STK3: variants seen among roughly 807,000 people sequenced by gnomAD.
STK3 encodes the protein serine/threonine kinase 3.
In STK3, 41 loss-of-function variants were observed where a neutral mutation model predicts 58.0. The ratio of observed to expected loss-of-function variants is 0.71; its 90% CI spans 0.55 to 0.92. The LOEUF is 0.92. STK3 is among the 40% of genes least tolerant of loss of function. The pLI is 0.00. For missense variants in STK3, 479 were observed against 602.7 expected (o/e 0.79, Z 2.15); for synonymous variants, 170 against 191.0 (o/e 0.89, Z 0.91).
chr8:98,695,523 A>G (rs1388419751), intron 6 of STK3, among the ~76,000 whole-genome samples: 3 of 152,174 alleles, frequency 2.0e-5, no homozygotes, highest in Non-Finnish European at 4.4e-5. Context: ...TAATTTTTGT[A>G]TAAGTTGTAA....
At chr8:98,352,386 G>A in the STK3 span, among the ~76,000 whole-genome samples, 1 of 152,166 alleles carries the variant, frequency 6.6e-6, no homozygotes, top group African/African-American at 2.4e-5. Flanking sequence ...AACTGTACCT[G>A]TGAGCACACA....
chr8:98,568,403 A>C (rs1472514217), intron 8 of STK3, among the ~76,000 whole-genome samples: 1 of 152,234 alleles, frequency 6.6e-6, no homozygotes, highest in African/African-American at 2.4e-5. Context: ...CAGCAGACCA[A>C]AAATAAGACT....
intron 6 of STK3, among the ~76,000 whole-genome samples, chr8:98,660,818 T>C: frequency 6.6e-6 from 1 of 152,052 alleles, no homozygotes; most frequent in East Asian, 1.9e-4. Flanking sequence ...CCCTCTTCTC[T>C]TCACTTTCCC....
intron 4 of STK3, among the ~76,000 whole-genome samples, chr8:98,726,231 A>T (rs1005986736): frequency 6.6e-6 from 1 of 152,232 alleles, no homozygotes; most frequent in South Asian, 2.1e-4. Flanking sequence ...AAAACTGGGC[A>T]ACTTACCAAT....
the STK3 span, among the ~76,000 whole-genome samples, chr8:98,348,898 T>G: frequency 6.6e-6 from 1 of 152,202 alleles, no homozygotes; most frequent in Non-Finnish European, 1.5e-5. Flanking sequence ...GCAATAATGC[T>G]CCCTGGTATT....
chr8:98,778,997 T>A (rs1295290708), intron 1 of STK3: 12 of 152,084 alleles, frequency 7.9e-5, no homozygotes, highest in South Asian at 6.2e-4. Flanking sequence ...AACCTGCACA[T>A]TGTGCACATG....
At chr8:98,579,550 A>G (rs2131726527) in intron 8 of STK3, 114 bp downstream of exon 8, 1 of 1,305,518 alleles carries the variant, frequency 7.7e-7, no homozygotes, top group East Asian at 2.5e-5. Flanking sequence ...GATTCAATGA[A>G]AAAACATATC....
rs1021171942 is a variant in STK3, at chr8:98,491,860, G to T, written c.1317+34882C>A. Among the ~76,000 whole-genome samples the T allele has an allele frequency of 7.9e-5, 12 of 152,226 alleles. No individual in the cohort carries two copies. In the Middle Eastern group the frequency reaches 0.01, roughly 129 times the overall value. ...AAAGAAAACCTTTTATGTTACTTAT[G>T]CTTAGCTATTACTCATTTTTTAGAT... On this transcript the variant is annotated intron_variant, in intron 10 of 10. Coordinates refer to ENST00000419617, the MANE Select transcript of STK3 (RefSeq NM_006281.4).
intron 6 of STK3, chr8:98,598,258 TTAACATA>T (rs1816000880): frequency 1.0e-6 from 1 of 985,270 alleles, no homozygotes; most frequent in Non-Finnish European, 1.2e-6. Context: ...TGAGATAATC[TTAACATA>T]TAAGGCTCAC....
At chr8:98,415,906 C>T (rs1017361185) in intron 3 of STK3, among the ~76,000 whole-genome samples, 3 of 152,176 alleles carry the variant, frequency 2.0e-5, no homozygotes, top group Non-Finnish European at 4.4e-5. Flanking sequence ...CAGCCAGTCC[C>T]CCTCAAATCT....
intron 1 of STK3, among the ~76,000 whole-genome samples, chr8:98,821,779 G>C (rs887637376): frequency 2.0e-5 from 3 of 152,058 alleles, no homozygotes; most frequent in African/African-American, 7.2e-5. Flanking sequence ...TGGTGACATG[G>C]GTGACCACAT....
chr8:98,506,257 T>C (rs1040263997), intron 10 of STK3, among the ~76,000 whole-genome samples: 3 of 152,162 alleles, frequency 2.0e-5, no homozygotes, highest in Non-Finnish European at 4.4e-5. Flanking sequence ...CACTGGAAAA[T>C]CACAGTATTT....
At chr8:98,582,337 T>C (rs1813986872) in intron 7 of STK3, among the ~76,000 whole-genome samples, 1 of 151,992 alleles carries the variant, frequency 6.6e-6, no homozygotes, top group Non-Finnish European at 1.5e-5. Context: ...TAAATATATA[T>C]ATATATTTTT....
intron 6 of STK3, among the ~76,000 whole-genome samples, chr8:98,653,561 A>G (rs1406549078): frequency 6.6e-6 from 1 of 152,196 alleles, no homozygotes; most frequent in East Asian, 1.9e-4. Flanking sequence ...TTTTGAAAGG[A>G]TCAACAAAAT....
intron 3 of STK3, among the ~76,000 whole-genome samples, chr8:98,843,351 AATTTAGG>A (rs1448653364): frequency 3.3e-5 from 5 of 152,220 alleles, no homozygotes; most frequent in African/African-American, 1.2e-4. Context: ...AGCAATTCCA[AATTTAGG>A]ATTTGCTTTG....
chr8:98,577,187 A>G (rs1813478775), intron 8 of STK3, among the ~76,000 whole-genome samples: 1 of 151,966 alleles, frequency 6.6e-6, no homozygotes, highest in South Asian at 2.1e-4. Context: ...TCCACCACTC[A>G]CTTGCTTTTA....
At chr8:98,733,990 T>C (rs1234968324) in intron 4 of STK3, among the ~76,000 whole-genome samples, 4 of 152,086 alleles carry the variant, frequency 2.6e-5, no homozygotes, top group Non-Finnish European at 5.9e-5. Context: ...CCATGGAGAC[T>C]CACAATCATG....
chr8:98,608,835 G>A (rs973034608), intron 6 of STK3, among the ~76,000 whole-genome samples: 1 of 152,154 alleles, frequency 6.6e-6, no homozygotes, highest in African/African-American at 2.4e-5. Flanking sequence ...CAGCCTTCTG[G>A]TCAAAATTTG....
Position 98,695,564 on chromosome 8 carries a change from T to C in STK3, c.684+10903A>G, listed in dbSNP as rs1011507893. On this transcript the variant is annotated intron_variant, in intron 6 of 10. Transcript: ENST00000419617. ...GGATACAGTTTCAGCTTTCTACATA[T>C]GGCTAGCCAGTTTTCCCAGCACCAT... Among the ~76,000 whole-genome samples, 15 of 152,244 alleles carry C rather than the reference T, an allele frequency of 9.9e-5. No homozygotes were observed. In the East Asian group the frequency reaches 1.9e-3, roughly 20 times the overall value.
Sources: gnomAD v4.1 joint callset for allele counts (sites outside exome capture counted in the v4.1 genomes callset) on GRCh38, gnomAD v4.1.1 for gene constraint, MANE v1.5 for transcripts, NCBI Gene and HGNC (gene_info 2026-07-23, HGNC 2026-07-21) for gene names.